NKAIN2: variants seen among roughly 807,000 people sequenced by gnomAD.
NKAIN2 encodes sodium/potassium-transporting ATPase subunit beta-1-interacting protein 2.
In NKAIN2, 14 loss-of-function variants were observed where a neutral mutation model predicts 32.6. That is an observed-to-expected ratio of 0.43 (90% CI 0.28 to 0.67). The LOEUF (loss-of-function observed/expected upper bound fraction) is 0.67, where lower values mean the gene tolerates loss of function less well. Among genes scored for constraint, NKAIN2 ranks in the 30% least tolerant of loss-of-function variants. NKAIN2 has a pLI of 0.17. For missense variants in NKAIN2, 198 were observed against 258.3 expected (o/e 0.77, Z 1.60); for synonymous variants, 80 against 87.2 (o/e 0.92, Z 0.46).
intron 1 of NKAIN2, among the ~76,000 whole-genome samples, chr6:123,954,453 G>T (rs999382983): frequency 6.6e-6 from 1 of 152,168 alleles, no homozygotes; most frequent in Admixed American, 6.5e-5. Context: ...CCAAATCCCA[G>T]ACAATCATGA....
At chr6:123,929,864 C>T (rs1011719867) in intron 1 of NKAIN2, among the ~76,000 whole-genome samples, 1 of 152,064 alleles carries the variant, frequency 6.6e-6, no homozygotes, top group Non-Finnish European at 1.5e-5. Flanking sequence ...CCAAAATGTT[C>T]CAATGAGCAT....
chr6:124,692,031 G>C (rs1289402490), intron 4 of NKAIN2, among the ~76,000 whole-genome samples: 1 of 151,998 alleles, frequency 6.6e-6, no homozygotes, highest in East Asian at 1.9e-4. Flanking sequence ...TGCGATATTC[G>C]AATAAAACTG....
intron 3 of NKAIN2, among the ~76,000 whole-genome samples, chr6:124,419,998 G>T (rs1774675913): frequency 6.6e-6 from 1 of 152,012 alleles, no homozygotes; most frequent in African/African-American, 2.4e-5. Flanking sequence ...TGTTCATATA[G>T]GGAGGAGAGG....
intron 2 of NKAIN2, among the ~76,000 whole-genome samples, chr6:124,304,641 C>T (rs545759708): frequency 2.6e-4 from 40 of 152,234 alleles, no homozygotes; most frequent in African/African-American, 8.2e-4. Flanking sequence ...ATTGGCCAGG[C>T]GTGGTGGCTC....
At chr6:124,171,822 G>A (rs1317874099) in intron 1 of NKAIN2, among the ~76,000 whole-genome samples, 3 of 150,658 alleles carry the variant, frequency 2.0e-5, no homozygotes, top group Admixed American at 1.3e-4. Flanking sequence ...AAAGTGCTAG[G>A]ATTACAGGCG....
chr6:124,795,063 G>C (rs1779937678), intron 5 of NKAIN2, among the ~76,000 whole-genome samples: 2 of 152,160 alleles, frequency 1.3e-5, no homozygotes, highest in Non-Finnish European at 2.9e-5. Context: ...TGCCCACTGT[G>C]GATTTGCAAT....
intron 3 of NKAIN2, among the ~76,000 whole-genome samples, chr6:124,433,695 G>A (rs976401263): frequency 1.3e-5 from 2 of 152,024 alleles, no homozygotes; most frequent in Non-Finnish European, 2.9e-5. Context: ...CAGGTGAATC[G>A]GCACTATTAT....
rs1330918082 is a variant in NKAIN2, at chr6:124,379,614, G to C, written c.273+24267G>C. On this transcript the variant is annotated intron_variant, in intron 3 of 6. Coordinates refer to ENST00000368417, the MANE Select transcript of NKAIN2 (RefSeq NM_001040214.3). ...GGGACAGAGGCTTGGAAAAGGTCTA[G>C]AAGTGGAAGCTTACCTGACTGCAGA... Among the ~76,000 whole-genome samples the C allele has an allele frequency of 7.9e-5, 12 of 152,198 alleles. No individual in the cohort carries two copies. In the East Asian group the frequency reaches 2.1e-3, roughly 27 times the overall value.
chr6:124,314,388 TAAA>T (rs1796849253), intron 2 of NKAIN2, among the ~76,000 whole-genome samples: 2 of 151,422 alleles, frequency 1.3e-5, no homozygotes, highest in African/African-American at 4.9e-5. Context: ...TTTTGCAAGA[TAAA>T]AATGTTTAGA....
chr6:124,323,538 T>C (rs1487841253), intron 2 of NKAIN2, among the ~76,000 whole-genome samples: 1 of 152,056 alleles, frequency 6.6e-6, no homozygotes, highest in Non-Finnish European at 1.5e-5. Context: ...ATAGTATTTG[T>C]TGAAAAGACT....
chr6:124,483,544 A>G (rs1322237824), intron 3 of NKAIN2, among the ~76,000 whole-genome samples: 3 of 152,178 alleles, frequency 2.0e-5, no homozygotes, highest in Non-Finnish European at 2.9e-5. Flanking sequence ...TAGAAAAAAG[A>G]TAAACCTGTT....
intron 1 of NKAIN2, among the ~76,000 whole-genome samples, chr6:123,826,288 T>C (rs1056611300): frequency 3.9e-5 from 6 of 152,196 alleles, no homozygotes; most frequent in African/African-American, 1.4e-4. Flanking sequence ...ATGGGTTTTT[T>C]AGTTCTATTT....
At chr6:124,128,030 T>C (rs1786270612) in intron 1 of NKAIN2, among the ~76,000 whole-genome samples, 1 of 152,176 alleles carries the variant, frequency 6.6e-6, no homozygotes, top group East Asian at 1.9e-4. Context: ...GGCTTCACCA[T>C]GTTGGCCAGG....
At chr6:124,370,450 T>C (rs745388782) in intron 3 of NKAIN2, among the ~76,000 whole-genome samples, 37 of 152,010 alleles carry the variant, frequency 2.4e-4, no homozygotes, top group Non-Finnish European at 5.0e-4. Context: ...ATATAATTAG[T>C]TTTTCTCTTT....
At chr6:124,138,009 T>C (rs1384557148) in intron 1 of NKAIN2, among the ~76,000 whole-genome samples, 1 of 151,866 alleles carries the variant, frequency 6.6e-6, no homozygotes, top group African/African-American at 2.4e-5. Context: ...CAAAAATAAA[T>C]AAATGGAACC....
intron 4 of NKAIN2, among the ~76,000 whole-genome samples, chr6:124,687,393 ATG>A (rs1417567503): frequency 1.3e-4 from 17 of 130,126 alleles, no homozygotes; most frequent in African/African-American, 3.4e-4. Context: ...TATATATTCC[ATG>A]TATGTGTATG....
intron 1 of NKAIN2, among the ~76,000 whole-genome samples, chr6:124,281,352 G>A (rs1024773896): frequency 1.3e-5 from 2 of 152,086 alleles, no homozygotes; most frequent in Admixed American, 6.6e-5. Context: ...TTCTAACTTC[G>A]CATATGTAAT....
intron 3 of NKAIN2, among the ~76,000 whole-genome samples, chr6:124,615,004 A>T (rs1782831917): frequency 6.6e-6 from 1 of 151,648 alleles, no homozygotes; most frequent in African/African-American, 2.4e-5. Flanking sequence ...TCCATCTTCA[A>T]TTGATTGAAT....
chr6:124,421,628 T>C (rs1383645474), intron 3 of NKAIN2, among the ~76,000 whole-genome samples: 1 of 152,208 alleles, frequency 6.6e-6, no homozygotes, highest in African/African-American at 2.4e-5. Flanking sequence ...GATTCCATGT[T>C]GTAACTCACA....
Sources: allele counts gnomAD v4.1 joint callset (sites outside exome capture counted in the v4.1 genomes callset), GRCh38; gene constraint gnomAD v4.1.1; transcripts MANE v1.5; gene names NCBI Gene and HGNC (gene_info 2026-07-23, HGNC 2026-07-21).